The following WLS variants were observed in gnomAD, a reference collection of about 807,000 sequenced individuals.
WLS encodes Wnt ligand secretion mediator, also known as protein wntless homolog.
In WLS, 23 loss-of-function variants were observed where a neutral mutation model predicts 62.8. That is an observed-to-expected ratio of 0.37 (90% CI 0.26 to 0.52). The LOEUF is 0.52. Ranked by LOEUF, WLS falls within the 20% of genes least tolerant of loss-of-function variation. The pLI is 0.92. For synonymous variants in WLS, 246 were observed against 244.1 expected (o/e 1.01, Z -0.07); for missense variants, 615 against 697.3 (o/e 0.88, Z 1.33).
intron 11 of WLS, among the ~76,000 whole-genome samples, chr1:68,101,128 T>C (rs953317444): frequency 2.0e-5 from 3 of 152,168 alleles, no homozygotes; most frequent in African/African-American, 7.2e-5. Context: ...TGTAACCTTT[T>C]GTTAGAAGTA....
Position 68,232,515 on chromosome 1 carries a change from T to A in WLS, c.-216A>T. 1 of 979,316 alleles carries A rather than the reference T, an allele frequency of 1.0e-6. No individual in the cohort carries two copies. Among genetic ancestry groups the A allele is most frequent in the Non-Finnish European group, 1.4e-6 (1 of 715,036 alleles). 60.7% of individuals were successfully genotyped at this position (979,316 alleles called of 1,614,324 possible). ...CTCGGGTTCCCCCAATGCCCGGAGC[T>A]GTGATTGTGGCCGCTCCGCCGCCTG... On this transcript the variant is annotated 5_prime_UTR_variant, in exon 1 of 12. Transcript: ENST00000262348.
intron 1 of WLS, among the ~76,000 whole-genome samples, chr1:68,201,596 C>T (rs1028787615): frequency 1.3e-5 from 2 of 152,222 alleles, no homozygotes; most frequent in Middle Eastern, 3.2e-3. Context: ...TTACAATTAT[C>T]AAAGCTATGC....
intron 2 of WLS, among the ~76,000 whole-genome samples, chr1:68,178,245 G>A (rs1441068116): frequency 1.3e-5 from 2 of 152,088 alleles, no homozygotes; most frequent in African/African-American, 2.4e-5. Context: ...GGACTCCTTT[G>A]GGTACTTAAT....
chr1:68,231,574 C>T (rs1396977675), intron 1 of WLS: 1 of 262,484 alleles, frequency 3.8e-6, no homozygotes, highest in Non-Finnish European at 7.8e-6. Flanking sequence ...AACCTCCCGG[C>T]CGACAATTCG....
chr1:68,212,073 C>T (rs1470406030), intron 1 of WLS, among the ~76,000 whole-genome samples: 2 of 152,182 alleles, frequency 1.3e-5, no homozygotes, highest in Admixed American at 6.5e-5. Flanking sequence ...AAGAGCTTTC[C>T]TTCCCCCTTT....
chr1:68,153,139 G>A (rs1467987466), intron 5 of WLS, among the ~76,000 whole-genome samples: 2 of 152,044 alleles, frequency 1.3e-5, no homozygotes, highest in Non-Finnish European at 2.9e-5. Context: ...AACTAGCTGG[G>A]AAGCATACAC....
intron 6 of WLS, 115 bp downstream of exon 6, chr1:68,150,073 A>G (rs1646805476): frequency 5.5e-6 from 6 of 1,081,884 alleles, no homozygotes; most frequent in African/African-American, 1.6e-5. Flanking sequence ...ACTTGTAACT[A>G]CTAGTTTATT....
chr1:68,194,948 TAATATTAATAACTTGGA>T (rs1273333591), intron 1 of WLS, among the ~76,000 whole-genome samples: 2 of 152,218 alleles, frequency 1.3e-5, no homozygotes, highest in Non-Finnish European at 2.9e-5. Context: ...TATATGATTA[TAATATTAATAACTTGGA>T]AAATACAGAA....
At chr1:68,199,240 C>A (rs1648858111) in intron 1 of WLS, among the ~76,000 whole-genome samples, 1 of 152,162 alleles carries the variant, frequency 6.6e-6, no homozygotes, top group Non-Finnish European at 1.5e-5. Flanking sequence ...TATGCAGGTA[C>A]CGTACTAACT....
At chr1:68,190,887 G>A (rs938975189) in intron 2 of WLS, among the ~76,000 whole-genome samples, 10 of 152,078 alleles carry the variant, frequency 6.6e-5, no homozygotes, top group South Asian at 2.1e-4. Flanking sequence ...GAGAAACCCC[G>A]TCTCTACTAA....
intron 11 of WLS, among the ~76,000 whole-genome samples, chr1:68,131,222 T>C (rs1026193496): frequency 1.4e-4 from 21 of 151,288 alleles, no homozygotes; most frequent in African/African-American, 3.4e-4. Context: ...TTTTTTTTTT[T>C]CCAAAGAAAG....
chr1:68,140,607 G>A (rs1315968665), intron 10 of WLS, among the ~76,000 whole-genome samples: 4 of 152,312 alleles, frequency 2.6e-5, no homozygotes, highest in East Asian at 3.9e-4. Context: ...TCATGCTCCC[G>A]TCTCGTACTT....
chr1:68,122,094 T>C (rs10158352), downstream of WLS, among the ~76,000 whole-genome samples: 48,498 of 151,786 alleles, frequency 0.32, 7,765 homozygotes, highest in East Asian at 0.44. Flanking sequence ...GTTTATAGAT[T>C]CCCCAATGTT....
downstream of WLS, among the ~76,000 whole-genome samples, chr1:68,124,962 T>G (rs937529295): frequency 6.6e-6 from 1 of 152,192 alleles, no homozygotes; most frequent in Non-Finnish European, 1.5e-5. Context: ...CAGTAAGCAG[T>G]TAAAGTTTAT....
chr1:68,140,142 A>AAAG (rs1399112220), intron 10 of WLS, among the ~76,000 whole-genome samples: 8 of 152,230 alleles, frequency 5.3e-5, no homozygotes, highest in Non-Finnish European at 1.2e-4. Context: ...GCTGTGAGGT[A>AAAG]GGTAGGTAAT....
chr1:68,162,226 C>T lies in WLS; in HGVS notation c.380-2979G>A, dbSNP rs1646987574. The T allele has an allele frequency of 2.0e-6, 3 of 1,495,192 alleles. No individual in the cohort carries two copies. The African/African-American group carries it at 4.1e-5, about 21-fold the overall frequency. 92.6% of individuals were successfully genotyped at this position (1,495,192 alleles called of 1,614,324 possible). A position where few individuals can be genotyped will look rare whatever the true frequency, so the allele number is the denominator to read the frequency against. On this transcript the variant is annotated intron_variant, in intron 2 of 11. Transcript: ENST00000262348. ...CACATAGAGGGCTGCCCCTCGTATC[C>T]TGCCCTCCTTGAGAGCTTGTGCTAA...
At chr1:68,198,859 A>T (rs933959055) in intron 1 of WLS, among the ~76,000 whole-genome samples, 37 of 152,248 alleles carry the variant, frequency 2.4e-4, no homozygotes, top group Non-Finnish European at 3.2e-4. Context: ...CTTGAATAAA[A>T]ATGTAAGTGA....
chr1:68,104,500 T>C (rs1646119369), intron 11 of WLS, among the ~76,000 whole-genome samples: 1 of 128,844 alleles, frequency 7.8e-6, no homozygotes, highest in Non-Finnish European at 1.8e-5. Flanking sequence ...GTAGGTGCAA[T>C]ATCATATGAT....
chr1:68,154,097 A>G (rs975008929), intron 4 of WLS, among the ~76,000 whole-genome samples: 3 of 152,192 alleles, frequency 2.0e-5, no homozygotes, highest in Non-Finnish European at 4.4e-5. Flanking sequence ...TACAGGGTGT[A>G]TGATATCTAC....
Sources: gnomAD v4.1 joint callset for allele counts (sites outside exome capture counted in the v4.1 genomes callset) on GRCh38, gnomAD v4.1.1 for gene constraint, MANE v1.5 for transcripts, NCBI Gene and HGNC (gene_info 2026-07-23, HGNC 2026-07-21) for gene names.